Variants in HIBCH observed in about 807,000 individuals in gnomAD.
HIBCH encodes the protein 3-hydroxyisobutyryl-CoA hydrolase, mitochondrial.
HIBCH carries 50 observed loss-of-function variants against 58.2 expected under a neutral mutation model. The observed-to-expected ratio is 0.86, with a 90% CI of 0.68 to 1.09. The LOEUF is 1.09. Ranked by LOEUF, HIBCH falls within the 50% of genes least tolerant of loss-of-function variation. HIBCH has a pLI of 0.00. For missense variants in HIBCH, 450 were observed against 449.7 expected (o/e 1.00, Z -0.01); for synonymous variants, 151 against 146.9 (o/e 1.03, Z -0.20).
intron 11 of HIBCH, among the ~76,000 whole-genome samples, chr2:190,218,466 T>C (rs554632388): frequency 9.8e-5 from 15 of 152,290 alleles, no homozygotes; most frequent in African/African-American, 3.6e-4. Flanking sequence ...CAGTTAGCTC[T>C]TAGGCAAATC....
chr2:190,204,096 T>A lies in HIBCH; in HGVS notation c.*1021A>T, dbSNP rs1690329005. 1 of 152,146 alleles carries A rather than the reference T, an allele frequency of 6.6e-6. No individual in the cohort carries two copies. Among genetic ancestry groups the A allele is most frequent in the South Asian group, 2.1e-4 (1 of 4,834 alleles). 9.4% of individuals were successfully genotyped at this position (152,146 alleles called of 1,614,324 possible). On this transcript the variant is annotated 3_prime_UTR_variant, in exon 14 of 14. Coordinates refer to ENST00000359678, the MANE Select transcript of HIBCH (RefSeq NM_014362.4). ...ATAAACTTACCTTTAGTTTAAAAAT[T>A]ATTCTTGCCTAGAACTTTAAGGTTC...
At chr2:190,294,013 A>ATT (rs1688031888) in intron 4 of HIBCH, among the ~76,000 whole-genome samples, 1 of 70,038 alleles carries the variant, frequency 1.4e-5, no homozygotes, top group Non-Finnish European at 2.6e-5. Context: ...TGTAATATAT[A>ATT]TTTTGTGTGT....
intron 7 of HIBCH, among the ~76,000 whole-genome samples, chr2:190,256,502 T>C (rs1686929699): frequency 6.8e-6 from 1 of 147,992 alleles, no homozygotes; most frequent in Non-Finnish European, 1.5e-5. Context: ...TTAAGATGTT[T>C]CCCAGGAATT....
In HIBCH at chr2:190,216,051, G is replaced by C. The variant is rs1559014594; in HGVS notation, c.892-2976C>G. Reference sequence around the variant, plus strand: ...AAGAAAATGAGCAAGAGAGAGACTGGAAAAGACAAAGATCAAAGAGACACA... The same window carrying C: ...AAGAAAATGAGCAAGAGAGAGACTGCAAAAGACAAAGATCAAAGAGACACA... On this transcript the variant is annotated intron_variant, in intron 11 of 13. Transcript: ENST00000359678. This position sits in a 1 kb window ranked among gnomAD's most constrained non-coding sequence, Gnocchi z 4.2. 6.6e-6 allele frequency: 1 copy of C among 152,430 alleles called. No homozygotes were observed. The highest frequency in any genetic ancestry group is 1.5e-5 in the Non-Finnish European group (1 of 68,206). The allele number at this position is 152,430 out of a possible 1,614,324, so 9.4% of individuals were successfully genotyped here. A position where few individuals can be genotyped will look rare whatever the true frequency, so the allele number is the denominator to read the frequency against.
rs193037669 is a variant in HIBCH, at chr2:190,228,562, A to G, written c.892-15487T>C. Among the ~76,000 whole-genome samples the G allele has an allele frequency of 2.8e-4, 42 of 151,976 alleles. No individual in the cohort carries two copies. The East Asian group carries it at 7.7e-3, about 28-fold the overall frequency. ...TTAAAGTATAATTAAAAAAAAAGAG[A>G]GAGAGAGAACACAGACTGTTCTAGA... On this transcript the variant is annotated intron_variant, in intron 11 of 13. Transcript: ENST00000359678.
intron 2 of HIBCH, among the ~76,000 whole-genome samples, chr2:190,300,523 T>C (rs1432030671): frequency 6.6e-6 from 1 of 152,144 alleles, no homozygotes; most frequent in Non-Finnish European, 1.5e-5. Flanking sequence ...GTTGTTTTTT[T>C]CTTATAAATT....
chr2:190,199,604 G>GAGGTAAA, downstream of HIBCH: 1 of 665,496 alleles, frequency 1.5e-6, no homozygotes, highest in Non-Finnish European at 2.1e-6. Flanking sequence ...TCTTCCATGT[G>GAGGTAAA]ACCAAAGTGA....
chr2:190,260,834 T>C (rs978121694), intron 7 of HIBCH, among the ~76,000 whole-genome samples: 3 of 152,194 alleles, frequency 2.0e-5, no homozygotes, highest in African/African-American at 7.2e-5. Context: ...AAGTGTCATA[T>C]GATAGTTTTG....
downstream of HIBCH, chr2:190,202,348 G>A (rs1421067622): frequency 6.0e-6 from 1 of 167,068 alleles, no homozygotes; most frequent in East Asian, 1.9e-4. Context: ...GTTAACCCAT[G>A]ACATATATGA....
intron 11 of HIBCH, among the ~76,000 whole-genome samples, chr2:190,225,555 C>T (rs905474413): frequency 6.6e-6 from 1 of 152,106 alleles, no homozygotes; most frequent in African/African-American, 2.4e-5. Context: ...ATATACCCTC[C>T]CAAGACTAAA....
intron 4 of HIBCH, among the ~76,000 whole-genome samples, chr2:190,291,763 C>T (rs1687963908): frequency 6.6e-6 from 1 of 152,186 alleles, no homozygotes; most frequent in Non-Finnish European, 1.5e-5. Flanking sequence ...GAGTTCACAT[C>T]TCCTACCATA....
At chr2:190,195,980 T>TTTGTTCCA (rs1409118266) in intron 1 of HIBCH, among the ~76,000 whole-genome samples, 3 of 150,778 alleles carry the variant, frequency 2.0e-5, no homozygotes. Context: ...GGATGATTTG[T>TTTGTTCCA]TTGTTCCAGC....
At chr2:190,265,506 C>G (rs1687209149) in intron 6 of HIBCH, among the ~76,000 whole-genome samples, 1 of 148,388 alleles carries the variant, frequency 6.7e-6, no homozygotes. Flanking sequence ...TCTATATATC[C>G]TAGACAGGAT....
chr2:190,303,176 G>T (rs1029026356), intron 2 of HIBCH, among the ~76,000 whole-genome samples: 1 of 152,140 alleles, frequency 6.6e-6, no homozygotes, highest in Non-Finnish European at 1.5e-5. Context: ...AACAATTAGA[G>T]ATATGCATGA....
At position 190,213,076 on chromosome 2, in the gene HIBCH, C is replaced by T. The variant is rs897187110; in HGVS notation, c.892-1G>A. The T allele has an allele frequency of 6.2e-7, 1 of 1,603,464 alleles. No individual in the cohort carries two copies. The highest frequency in any genetic ancestry group is 8.5e-7 in the Non-Finnish European group (1 of 1,170,706). Reference sequence around the variant, plus strand: ...ATGTTGGAGACATTTTATTAATTACCTTTTGGAGGAAAAAATTTACTACTG... The same window carrying T: ...ATGTTGGAGACATTTTATTAATTACTTTTTGGAGGAAAAAATTTACTACTG... On this transcript the variant is annotated splice_acceptor_variant, in intron 11 of 13. Coordinates refer to ENST00000359678, the MANE Select transcript of HIBCH (RefSeq NM_014362.4). LOFTEE classifies it high-confidence loss of function.
rs773276644 is a variant in HIBCH, at chr2:190,246,174, T to G, written c.789A>C (p.Glu263Asp). Reference sequence around the variant, plus strand: ...GGTACCTGTTTATTTTGTCCATGTGTTCCTCAAGTATAAAAGACTTGTCTC... The same window carrying G: ...GGTACCTGTTTATTTTGTCCATGTGGTCCTCAAGTATAAAAGACTTGTCTC... ...IDRDKSFILE[E>D]HMDKINSCFS... The change falls in exon 10 of 14, where the codon GAA becomes GAC. Residue 263 changes from glutamate (E) to aspartate (D), a missense_variant. Glu to Asp is a conservative substitution (Grantham distance 45). Transcript: ENST00000359678. 3 of 1,592,400 alleles carry G rather than the reference T, an allele frequency of 1.9e-6. No homozygotes were observed. In the African/African-American group the frequency reaches 4.0e-5, roughly 21 times the overall value.
intron 13 of HIBCH, among the ~76,000 whole-genome samples, chr2:190,205,992 T>A (rs1383982625): frequency 6.6e-6 from 1 of 152,184 alleles, no homozygotes; most frequent in Admixed American, 6.5e-5. Context: ...TCTACAATGA[T>A]CTCCAAATTT....
In HIBCH at chr2:190,204,735, A is replaced by G; in HGVS notation, c.*382T>C. The G allele has an allele frequency of 4.3e-6, 1 of 232,128 alleles. No homozygotes were observed. The highest frequency in any genetic ancestry group is 1.1e-4 in the East Asian group (1 of 8,734). 14.4% of individuals were successfully genotyped at this position (232,128 alleles called of 1,614,324 possible). A position where few individuals can be genotyped will look rare whatever the true frequency, so the allele number is the denominator to read the frequency against. Reference sequence around the variant, plus strand: ...AGATCCCATTTCAATTAGATATACCACTCAAGAGAATCTCCAAAGATCTTC... The same window carrying G: ...AGATCCCATTTCAATTAGATATACCGCTCAAGAGAATCTCCAAAGATCTTC... On this transcript the variant is annotated 3_prime_UTR_variant, in exon 14 of 14. Coordinates refer to ENST00000359678, the MANE Select transcript of HIBCH (RefSeq NM_014362.4).
chr2:190,224,575 G>C (rs1685833539), intron 11 of HIBCH, among the ~76,000 whole-genome samples: 1 of 152,138 alleles, frequency 6.6e-6, no homozygotes, highest in Non-Finnish European at 1.5e-5. Context: ...AATTCAACAA[G>C]AAGAGCTAAC....
Sources: gnomAD v4.1 joint callset for allele counts (sites outside exome capture counted in the v4.1 genomes callset) on GRCh38, gnomAD v4.1.1 for gene constraint, Gnocchi (gnomAD v3.1) non-coding constraint, MANE v1.5 for transcripts, NCBI Gene and HGNC (gene_info 2026-07-23, HGNC 2026-07-21) for gene names.